The following RYR3 variants were observed in gnomAD, a reference collection of about 807,000 sequenced individuals.
RYR3 encodes ryanodine receptor 3, also known as brain ryanodine receptor-calcium release channel.
Under a neutral mutation model 584.3 loss-of-function variants are expected in RYR3, and 207 were observed. That is an observed-to-expected ratio of 0.35 (90% CI 0.32 to 0.40). The LOEUF is 0.40. RYR3 is among the 10% of genes least tolerant of loss of function. The pLI is 1.00. For synonymous variants in RYR3, 2,416 were observed against 2,248.5 expected, an observed-to-expected ratio of 1.07 and a Z score of -2.11; for missense variants, 5,616 against 6,089.2, an observed-to-expected ratio of 0.92 and a Z score of 2.59.
intron 1 of RYR3, among the ~76,000 whole-genome samples, chr15:33,368,537 C>T (rs1975841108): frequency 6.6e-6 from 1 of 151,916 alleles, no homozygotes; most frequent in Non-Finnish European, 1.5e-5. Context: ...GCTGTTGAAG[C>T]TGAGATTTCT....
At chr15:33,728,792 C>T in intron 46 of RYR3, 65 bp from the exon 47 acceptor site, 1 of 1,474,840 alleles carries the variant, frequency 6.8e-7, no homozygotes, top group Non-Finnish European at 9.2e-7. Flanking sequence ...CAGACAAGCT[C>T]TGTGTTATCT....
At chr15:33,584,529 G>T in intron 15 of RYR3, 39 bp downstream of exon 15, 3 of 932,868 alleles carry the variant, frequency 3.2e-6, no homozygotes, top group South Asian at 1.6e-5. Flanking sequence ...AAAAGATGAA[G>T]GGTTTTTTTT....
chr15:33,683,962 A>G (rs1001405107), intron 38 of RYR3, among the ~76,000 whole-genome samples: 1 of 152,252 alleles, frequency 6.6e-6, no homozygotes, highest in South Asian at 2.1e-4. Flanking sequence ...AGGCTTGAGT[A>G]GGTAAACGAA....
chr15:33,655,830 C>G (rs1416555418), intron 32 of RYR3, among the ~76,000 whole-genome samples: 1 of 152,222 alleles, frequency 6.6e-6, no homozygotes, highest in African/African-American at 2.4e-5. Flanking sequence ...TGTTATTCCA[C>G]AGCTGTAGCC....
At chr15:33,792,087 A>G (rs59688255) in intron 67 of RYR3, among the ~76,000 whole-genome samples, 32,772 of 152,112 alleles carry the variant, frequency 0.22, 4,451 homozygotes, top group East Asian at 0.43. Flanking sequence ...ATAAACACAT[A>G]TATTGAAGTC....
intron 75 of RYR3, among the ~76,000 whole-genome samples, chr15:33,818,343 G>T (rs1456601197): frequency 1.3e-5 from 2 of 152,120 alleles, no homozygotes; most frequent in Non-Finnish European, 2.9e-5. Flanking sequence ...AAATTGGAAT[G>T]TTTCTTTGGT....
intron 1 of RYR3, among the ~76,000 whole-genome samples, chr15:33,368,898 C>T (rs1406701748): frequency 1.3e-5 from 2 of 152,118 alleles, no homozygotes; most frequent in Non-Finnish European, 2.9e-5. Context: ...GAAAACTTTA[C>T]CTGCTTCAAT....
chr15:33,492,464 C>A (rs1429651917), intron 2 of RYR3, among the ~76,000 whole-genome samples: 127 of 145,452 alleles, frequency 8.7e-4, no homozygotes, highest in African/African-American at 1.2e-3. Flanking sequence ...TCTCTCAAAG[C>A]AAAAAAAAAA....
At chr15:33,655,995 A>T (rs1207593723) in intron 32 of RYR3, among the ~76,000 whole-genome samples, 1 of 152,218 alleles carries the variant, frequency 6.6e-6, no homozygotes, top group Non-Finnish European at 1.5e-5. Context: ...AAACAATTTG[A>T]ACACATTTTT....
intron 1 of RYR3, among the ~76,000 whole-genome samples, chr15:33,427,182 G>A (rs1459195742): frequency 6.6e-6 from 1 of 152,190 alleles, no homozygotes; most frequent in African/African-American, 2.4e-5. Context: ...GTATAGAAGT[G>A]TGTGGGTATG....
At chr15:33,726,559 C>A in intron 46 of RYR3, 53 bp downstream of exon 46, 2 of 1,527,116 alleles carry the variant, frequency 1.3e-6, no homozygotes, top group Non-Finnish European at 1.8e-6. Context: ...GCCACTGGCT[C>A]GGGGCAGGAC....
At chr15:33,533,223 T>A in intron 4 of RYR3, 88 bp from the exon 5 acceptor site, 1 of 859,832 alleles carries the variant, frequency 1.2e-6, no homozygotes, top group East Asian at 2.7e-5. Flanking sequence ...TAGCTCATTG[T>A]TGAACTTAAC....
chr15:33,692,729 T>C (rs966984137), intron 38 of RYR3, among the ~76,000 whole-genome samples: 1 of 151,458 alleles, frequency 6.6e-6, no homozygotes, highest in South Asian at 2.1e-4. Context: ...GAGTGGCAGG[T>C]GTTTGCTGCT....
rs1701166345 is a variant in RYR3, at chr15:33,662,358, C to T, written c.4828C>T (p.Leu1610Phe). 3 of 1,612,784 alleles carry T rather than the reference C, an allele frequency of 1.9e-6. No homozygotes were observed. The African/African-American group carries it at 4.0e-5, about 22-fold the overall frequency. Residue 1610 changes from leucine (L) to phenylalanine (F), a missense_variant, in exon 35 of 104, where the codon CTC becomes TTC. By Grantham distance (22) the Leu-to-Phe change is conservative. Coordinates refer to ENST00000634891, the MANE Select transcript of RYR3 (RefSeq NM_001036.6). ...GLLRSGFYDLLISIHLASAKE... is the reference protein window; with the variant it reads ...GLLRSGFYDLFISIHLASAKE... ...CCTTCGATCTGGTTTCTATGACCTGCTCATCAGCATCCACCTGGCCAGCGC... is the reference window on the plus strand; with the variant it reads ...CCTTCGATCTGGTTTCTATGACCTGTTCATCAGCATCCACCTGGCCAGCGC...
At chr15:33,405,949 A>T (rs2141425579) in intron 1 of RYR3, among the ~76,000 whole-genome samples, 1 of 152,324 alleles carries the variant, frequency 6.6e-6, no homozygotes, top group Non-Finnish European at 1.5e-5. Flanking sequence ...CATGGAGAAA[A>T]GAATGTGTCA....
intron 65 of RYR3, 111 bp downstream of exon 65, chr15:33,780,452 G>A: frequency 9.1e-7 from 1 of 1,096,970 alleles, no homozygotes; most frequent in Non-Finnish European, 1.3e-6. Context: ...TGGTCTGAGA[G>A]GAGCCAGGAG....
chr15:33,513,015 C>T (rs903518407), intron 3 of RYR3, among the ~76,000 whole-genome samples: 24 of 152,172 alleles, frequency 1.6e-4, no homozygotes, highest in Admixed American at 5.9e-4. Context: ...AGCTGCGTTT[C>T]TGGCAACATG....
intron 28 of RYR3, among the ~76,000 whole-genome samples, chr15:33,645,423 C>G (rs2062046567): frequency 6.6e-6 from 1 of 152,198 alleles, no homozygotes. Flanking sequence ...AGTTCCTTAA[C>G]TCATCCTCCC....
At chr15:33,584,518 G>C in intron 15 of RYR3, 28 bp downstream of exon 15, 2 of 1,001,502 alleles carry the variant, frequency 2.0e-6, no homozygotes, top group Non-Finnish European at 3.0e-6. Context: ...ACTATAACTA[G>C]AAAAGATGAA....
Sources: allele counts gnomAD v4.1 joint callset (sites outside exome capture counted in the v4.1 genomes callset), GRCh38; gene constraint gnomAD v4.1.1; transcripts MANE v1.5; gene names NCBI Gene and HGNC (gene_info 2026-07-23, HGNC 2026-07-21).